Variants in SLCO2A1 observed in about 807,000 individuals in gnomAD.
The protein encoded by SLCO2A1 is solute carrier organic anion transporter family member 2A1, also known as matrin F/G 1.
In SLCO2A1, 60 loss-of-function variants were observed where a neutral mutation model predicts 71.7. The ratio of observed to expected loss-of-function variants is 0.84; its 90% CI spans 0.68 to 1.04. SLCO2A1 has a LOEUF of 1.04. Ranked by LOEUF, SLCO2A1 falls within the 50% of genes least tolerant of loss-of-function variation. SLCO2A1 has a pLI of 0.00. For missense variants in SLCO2A1, 745 were observed against 813.4 expected, an observed-to-expected ratio of 0.92 and a Z score of 1.02; for synonymous variants, 308 against 326.7, an observed-to-expected ratio of 0.94 and a Z score of 0.62.
At chr3:133,982,672 C>T (rs1394052330) in intron 1 of SLCO2A1, among the ~76,000 whole-genome samples, 1 of 152,136 alleles carries the variant, frequency 6.6e-6, no homozygotes, top group Non-Finnish European at 1.5e-5. Context: ...CTTGGTGTCT[C>T]CCACATTGGA....
At position 134,005,444 on chromosome 3, in the gene SLCO2A1, C is replaced by T. The variant is rs1056026415; in HGVS notation, c.96+24263G>A. 2.7e-5 allele frequency among the ~76,000 whole-genome samples: 4 copies of T among 148,254 alleles called. No homozygotes were observed. In the East Asian group the frequency reaches 5.9e-4, roughly 22 times the overall value. On this transcript the variant is annotated intron_variant, in intron 1 of 13. Coordinates refer to ENST00000310926, the MANE Select transcript of SLCO2A1 (RefSeq NM_005630.3). ...TTTTATCCAATCTGAGATGCTGTAG[C>T]TTTGAAATAATGAGTAGTCCATTTT...
At chr3:133,950,307 A>G in intron 6 of SLCO2A1, among the ~76,000 whole-genome samples, 1 of 152,090 alleles carries the variant, frequency 6.6e-6, no homozygotes, top group East Asian at 1.9e-4. Context: ...TAGATTTTAT[A>G]TACCTCATTG....
At chr3:134,007,038 T>C (rs776469986) in intron 1 of SLCO2A1, among the ~76,000 whole-genome samples, 2 of 152,270 alleles carry the variant, frequency 1.3e-5, no homozygotes, top group Admixed American at 6.5e-5. Flanking sequence ...GGGTGTGATG[T>C]CACATTGTGG....
chr3:133,960,418 G>A (rs1386092171), intron 3 of SLCO2A1, among the ~76,000 whole-genome samples: 3 of 152,218 alleles, frequency 2.0e-5, no homozygotes, highest in Admixed American at 6.5e-5. Context: ...GATGAGCCTT[G>A]AGGACATTAT....
chr3:133,995,741 C>T (rs1934950960), intron 1 of SLCO2A1, among the ~76,000 whole-genome samples: 1 of 152,218 alleles, frequency 6.6e-6, no homozygotes, highest in Non-Finnish European at 1.5e-5. Context: ...TAATCTTCTC[C>T]ACAAACAATG....
At chr3:133,936,834 C>T (rs1380907089) in intron 12 of SLCO2A1, among the ~76,000 whole-genome samples, 1 of 152,228 alleles carries the variant, frequency 6.6e-6, no homozygotes, top group Non-Finnish European at 1.5e-5. Context: ...CTCAAGTCTC[C>T]AGGTGAACAG....
Position 133,973,757 on chromosome 3 carries a change from A to C in SLCO2A1, c.303T>G (p.Ile101Met). 6.2e-7 allele frequency: 1 copy of C among 1,614,140 alleles called. No homozygotes were observed. Among genetic ancestry groups the C allele is most frequent in the East Asian group, 2.2e-5 (1 of 44,878 alleles). Reference sequence around the variant, plus strand: ...CAGCCAGGAAGAGACCTCCGATGCCAATCAGACGTGGACGGTGCACCCGGC... The same window carrying C: ...CAGCCAGGAAGAGACCTCCGATGCCCATCAGACGTGGACGGTGCACCCGGC... ...FGSRVHRPRL[I>M]GIGGLFLAAG... Residue 101 changes from isoleucine (I) to methionine (M), a missense_variant, in exon 3 of 14, where the codon ATT (isoleucine) becomes ATG (methionine). Transcript: ENST00000310926.
intron 1 of SLCO2A1, among the ~76,000 whole-genome samples, chr3:134,011,302 G>A (rs59929107): frequency 0.017 from 2,548 of 152,202 alleles, 67 homozygotes; most frequent in African/African-American, 0.055. Context: ...GCCCACCTTG[G>A]TCTCCCAAAG....
rs554566521 is a variant in SLCO2A1 at position 133,940,936 on chromosome 3, T to C, written c.1625+1669A>G. ...CGGTGCTCACTGCTCACCATAGAAG[T>C]GGTGGCTCTTCTATGCTCAGTGTTC... On this transcript the variant is annotated intron_variant, in intron 11 of 13. Coordinates refer to ENST00000310926, the MANE Select transcript of SLCO2A1 (RefSeq NM_005630.3). 1.8e-4 allele frequency among the ~76,000 whole-genome samples: 27 copies of C among 152,328 alleles called. No homozygotes were observed. In the South Asian group the frequency reaches 5.2e-3, roughly 29 times the overall value.
At chr3:133,935,988 A>C in intron 12 of SLCO2A1, 91 bp from the exon 13 acceptor site, 4 of 1,332,822 alleles carry the variant, frequency 3.0e-6, no homozygotes, top group Non-Finnish European at 4.0e-6. Context: ...GACACAGTTC[A>C]CATACATGAG....
intron 3 of SLCO2A1, among the ~76,000 whole-genome samples, chr3:133,962,402 T>C (rs1470152406): frequency 1.3e-5 from 2 of 151,864 alleles, no homozygotes; most frequent in Non-Finnish European, 2.9e-5. Context: ...ATTTAGAACA[T>C]TAAGCTCTTC....
intron 2 of SLCO2A1, among the ~76,000 whole-genome samples, chr3:133,976,298 C>T (rs1413263913): frequency 6.6e-6 from 1 of 152,256 alleles, no homozygotes; most frequent in Non-Finnish European, 1.5e-5. Context: ...TTATTTCCTT[C>T]TTGTTTCCGT....
chr3:133,995,522 T>A lies in SLCO2A1; in HGVS notation c.97-15904A>T, dbSNP rs1576451835. 2.0e-5 allele frequency among the ~76,000 whole-genome samples: 3 copies of A among 152,366 alleles called. No individual in the cohort carries two copies. In the East Asian group the frequency reaches 5.8e-4, roughly 29 times the overall value. ...CTTTGTGGGTGGGGGCCATCCCCAC[T>A]GCCTGGGGTGAGCTTCTACTTATCC... is the stretch of plus-strand genomic sequence containing the variant. On this transcript the variant is annotated intron_variant, in intron 1 of 13. Transcript: ENST00000310926.
intron 3 of SLCO2A1, among the ~76,000 whole-genome samples, chr3:133,959,415 A>G (rs1055208321): frequency 2.0e-5 from 3 of 150,944 alleles, no homozygotes; most frequent in African/African-American, 7.4e-5. Context: ...AAAAAAACAG[A>G]AAACGAGTGT....
rs545996727 is a variant in SLCO2A1, at chr3:134,004,568, A to G, written c.97-24950T>C. On this transcript the variant is annotated intron_variant, in intron 1 of 13. Coordinates refer to ENST00000310926, the MANE Select transcript of SLCO2A1 (RefSeq NM_005630.3). ...AGGCTGGTCTTGAACTCCTGACCTC[A>G]GGTGAACCACCCGCCTCAGCCTCCT... Among the ~76,000 whole-genome samples, 169 of 152,314 alleles carry G rather than the reference A, an allele frequency of 1.1e-3. 1 individual carries two copies. The highest frequency in any genetic ancestry group is 4.0e-3 in the African/African-American group (166 of 41,584).
chr3:133,947,129 G>C, intron 9 of SLCO2A1, 127 bp downstream of exon 9: 1 of 778,314 alleles, frequency 1.3e-6, no homozygotes, highest in Non-Finnish European at 2.0e-6. Flanking sequence ...GCGAGACTCT[G>C]TCTCAAAAAA....
chr3:134,001,073 A>G (rs933778963), intron 1 of SLCO2A1, among the ~76,000 whole-genome samples: 4 of 151,696 alleles, frequency 2.6e-5, no homozygotes, highest in African/African-American at 9.7e-5. Flanking sequence ...AAGGATCTGG[A>G]GCCCCATGGG....
intron 3 of SLCO2A1, among the ~76,000 whole-genome samples, chr3:133,971,624 T>C (rs566442354): frequency 3.9e-5 from 6 of 152,164 alleles, no homozygotes; most frequent in African/African-American, 7.2e-5. Context: ...TCAAACCTGG[T>C]CTACATATCT....
intron 9 of SLCO2A1, among the ~76,000 whole-genome samples, chr3:133,946,580 C>T (rs542097596): frequency 1.4e-4 from 21 of 152,226 alleles, no homozygotes; most frequent in Non-Finnish European, 2.6e-4. Flanking sequence ...TCTTCAGCAG[C>T]TCAATGAAAC....
Sources: gnomAD v4.1 joint callset for allele counts (sites outside exome capture counted in the v4.1 genomes callset) on GRCh38, gnomAD v4.1.1 for gene constraint, MANE v1.5 for transcripts, NCBI Gene and HGNC (gene_info 2026-07-23, HGNC 2026-07-21) for gene names.